The following TAFA4 variants were observed in gnomAD, a reference collection of about 807,000 sequenced individuals.
TAFA4 encodes chemokine-like protein TAFA-4.
TAFA4 carries 20 observed loss-of-function variants against 21.1 expected under a neutral mutation model. The ratio of observed to expected loss-of-function variants is 0.95; its 90% confidence interval spans 0.67 to 1.38. TAFA4 has a LOEUF of 1.38. Ranked by LOEUF, TAFA4 falls within the 40% of genes most tolerant of loss-of-function variation. TAFA4 has a pLI of 0.00. For missense variants in TAFA4, 211 were observed against 180.9 expected (o/e 1.17, Z -0.95); for synonymous variants, 71 against 67.4 (o/e 1.05, Z -0.26).
At chr3:68,908,052 TAAAATCTGGAATTCAGC>T (rs966171498) in intron 1 of TAFA4, among the ~76,000 whole-genome samples, 2 of 152,202 alleles carry the variant, frequency 1.3e-5, no homozygotes, top group Non-Finnish European at 2.9e-5. Context: ...ACTATGGTTA[TAAAATCTGGAATTCAGC>T]AAGGCATTCT....
At chr3:68,913,345 C>T (rs779340930) in intron 1 of TAFA4, among the ~76,000 whole-genome samples, 2 of 152,164 alleles carry the variant, frequency 1.3e-5, no homozygotes, top group African/African-American at 4.8e-5. Flanking sequence ...AGGAGAGTGA[C>T]TCCAGAGCCA....
chr3:68,891,334 G>A (rs1175428057), intron 1 of TAFA4, among the ~76,000 whole-genome samples: 1 of 152,104 alleles, frequency 6.6e-6, no homozygotes, highest in African/African-American at 2.4e-5. Flanking sequence ...CAAACAAATA[G>A]CCCAAGTGCT....
intron 3 of TAFA4, among the ~76,000 whole-genome samples, chr3:68,772,514 G>A (rs1012444348): frequency 6.6e-6 from 1 of 152,166 alleles, no homozygotes; most frequent in Non-Finnish European, 1.5e-5. Context: ...ATCTTCTCCT[G>A]CCTATAGACA....
At chr3:68,926,357 CT>C (rs2090108197) in intron 1 of TAFA4, among the ~76,000 whole-genome samples, 1 of 151,834 alleles carries the variant, frequency 6.6e-6, no homozygotes, top group African/African-American at 2.4e-5. Context: ...TTTTTTTTAA[CT>C]TTCCTTTTAT....
intron 1 of TAFA4, among the ~76,000 whole-genome samples, chr3:68,890,476 A>G (rs1257811546): frequency 6.6e-6 from 1 of 152,192 alleles, no homozygotes; most frequent in Non-Finnish European, 1.5e-5. Flanking sequence ...CTGAGCTTTC[A>G]TCCAAGCCTC....
At chr3:68,737,501 C>T (rs372975170) in intron 5 of TAFA4, among the ~76,000 whole-genome samples, 5 of 152,166 alleles carry the variant, frequency 3.3e-5, no homozygotes, top group African/African-American at 1.2e-4. Flanking sequence ...AGTTGACAAC[C>T]GCAATTCACG....
intron 3 of TAFA4, among the ~76,000 whole-genome samples, chr3:68,767,711 T>C (rs954459402): frequency 3.3e-5 from 5 of 152,014 alleles, no homozygotes; most frequent in Admixed American, 2.6e-4. Context: ...TATTTCAAAA[T>C]CTAACCAGAC....
At chr3:68,844,196 CT>C (rs1460736735) in intron 3 of TAFA4, among the ~76,000 whole-genome samples, 1 of 152,138 alleles carries the variant, frequency 6.6e-6, no homozygotes, top group African/African-American at 2.4e-5. Context: ...AATTTCAGAA[CT>C]TGTTATTGGT....
At chr3:68,811,886 G>A (rs2106846021) in intron 3 of TAFA4, among the ~76,000 whole-genome samples, 1 of 152,218 alleles carries the variant, frequency 6.6e-6, no homozygotes, top group African/African-American at 2.4e-5. Context: ...ATTCACCAAA[G>A]TTGAAATGAA....
chr3:68,757,815 A>C (rs1702685994), intron 3 of TAFA4, among the ~76,000 whole-genome samples: 1 of 152,178 alleles, frequency 6.6e-6, no homozygotes, highest in Non-Finnish European at 1.5e-5. Flanking sequence ...AGCACCTTAC[A>C]ATTATAATTG....
In TAFA4 at chr3:68,752,925, T is replaced by TTGACCGTTTG; in HGVS notation, c.214_223dup (p.Lys75ThrfsTer24). On this transcript the variant is annotated frameshift_variant, in exon 4 of 6. Transcript: ENST00000295569. LOFTEE classifies it high-confidence loss of function. Reference sequence around the variant, plus strand: ...CACCTGTCCCGGGAAGCAAGAGCACTTGACCGTTTGTGACCGCTCTTCTAT... The same window carrying TTGACCGTTTG: ...CACCTGTCCCGGGAAGCAAGAGCACTTGACCGTTTGTGACCGTTTGTGACCGCTCTTCTAT... 1 of 1,614,122 alleles carries TTGACCGTTTG rather than the reference T, an allele frequency of 6.2e-7. No individual in the cohort carries two copies. The highest frequency in any genetic ancestry group is 8.5e-7 in the Non-Finnish European group (1 of 1,180,032).
intron 3 of TAFA4, among the ~76,000 whole-genome samples, chr3:68,871,741 G>A (rs978252406): frequency 6.6e-6 from 1 of 152,026 alleles, no homozygotes; most frequent in South Asian, 2.1e-4. Flanking sequence ...ATGGGCAAAA[G>A]AGTTGAATAA....
intron 3 of TAFA4, among the ~76,000 whole-genome samples, chr3:68,841,521 T>C (rs575124148): frequency 1.3e-5 from 2 of 152,000 alleles, no homozygotes; most frequent in Non-Finnish European, 2.9e-5. Flanking sequence ...TCACCTCCAG[T>C]TGATTTACTA....
At chr3:68,786,378 A>T (rs9824091) in intron 3 of TAFA4, among the ~76,000 whole-genome samples, 42,478 of 152,050 alleles carry the variant, frequency 0.28, 7,214 homozygotes, top group Non-Finnish European at 0.39. Flanking sequence ...AGATGGGAGG[A>T]TCAGGTGAGC....
intron 3 of TAFA4, among the ~76,000 whole-genome samples, chr3:68,785,463 G>T (rs866381781): frequency 2.6e-5 from 4 of 152,240 alleles, no homozygotes; most frequent in Non-Finnish European, 5.9e-5. Context: ...CCTGCCCCGC[G>T]CGGGAAGGCA....
chr3:68,921,571 C>T (rs955167392), intron 1 of TAFA4, among the ~76,000 whole-genome samples: 1 of 152,062 alleles, frequency 6.6e-6, no homozygotes, highest in Non-Finnish European at 1.5e-5. Flanking sequence ...CTTTCCATAC[C>T]CCCTCAAGTC....
At chr3:68,810,209 G>C (rs530164238) in intron 3 of TAFA4, among the ~76,000 whole-genome samples, 1 of 152,044 alleles carries the variant, frequency 6.6e-6, no homozygotes, top group Admixed American at 6.6e-5. Flanking sequence ...GTTCCTATTC[G>C]GCCATCTTGG....
Position 68,850,327 on chromosome 3 carries a change from G to A in TAFA4, c.130+30403C>T, listed in dbSNP as rs552213771. Among the ~76,000 whole-genome samples the A allele has an allele frequency of 2.6e-5, 4 of 152,218 alleles. No individual in the cohort carries two copies. The South Asian group carries it at 8.3e-4, about 32-fold the overall frequency. On this transcript the variant is annotated intron_variant, in intron 3 of 5. Transcript: ENST00000295569. ...ACACACCACTGTTCTCAGGACAAGG[G>A]ACACAGCAGGTAAATAAAATATAGC...
chr3:68,865,430 T>C (rs972214949), intron 3 of TAFA4, among the ~76,000 whole-genome samples: 16 of 152,134 alleles, frequency 1.1e-4, no homozygotes, highest in African/African-American at 3.9e-4. Context: ...GGTTTTTCCC[T>C]GTACTGTTTT....
Sources: gnomAD v4.1 joint callset for allele counts (sites outside exome capture counted in the v4.1 genomes callset) on GRCh38, gnomAD v4.1.1 for gene constraint, MANE v1.5 for transcripts, NCBI Gene and HGNC (gene_info 2026-07-23, HGNC 2026-07-21) for gene names.